Variants in KHDRBS2 observed in about 807,000 individuals in gnomAD.
KHDRBS2 encodes the protein KH domain-containing, RNA-binding, signal transduction-associated protein 2.
KHDRBS2 carries 26 observed loss-of-function variants against 44.3 expected under a neutral mutation model. That is an observed-to-expected ratio of 0.59 (90% CI 0.43 to 0.81). KHDRBS2 has a LOEUF of 0.81. Ranked by LOEUF, KHDRBS2 falls within the 40% of genes least tolerant of loss-of-function variation. KHDRBS2 has a pLI of 0.00. For synonymous variants in KHDRBS2, 194 were observed against 151.1 expected (o/e 1.28, Z -2.08); for missense variants, 476 against 433.1 (o/e 1.10, Z -0.88).
intron 1 of KHDRBS2, among the ~76,000 whole-genome samples, chr6:62,179,164 G>T (rs1821747594): frequency 1.3e-5 from 2 of 151,410 alleles, no homozygotes; most frequent in Admixed American, 6.6e-5. Context: ...AATTATTTTG[G>T]AGTAATATTA....
At chr6:61,802,800 G>T (rs186143597) in intron 6 of KHDRBS2, among the ~76,000 whole-genome samples, 18 of 152,058 alleles carry the variant, frequency 1.2e-4, no homozygotes, top group Admixed American at 1.2e-3. Flanking sequence ...TCTACTTGTC[G>T]GCAAATCTCT....
intron 4 of KHDRBS2, among the ~76,000 whole-genome samples, chr6:61,973,425 C>T (rs1166723484): frequency 6.6e-6 from 1 of 152,102 alleles, no homozygotes; most frequent in Non-Finnish European, 1.5e-5. Flanking sequence ...CCTCCATTTG[C>T]TTTTGCCATA....
At chr6:62,263,230 C>G (rs977882680) in intron 1 of KHDRBS2, among the ~76,000 whole-genome samples, 1 of 151,642 alleles carries the variant, frequency 6.6e-6, no homozygotes, top group East Asian at 1.9e-4. Flanking sequence ...ATACCACTTA[C>G]TTTCTAATTT....
chr6:62,080,451 G>A (rs1283724013), intron 2 of KHDRBS2, among the ~76,000 whole-genome samples: 1 of 151,984 alleles, frequency 6.6e-6, no homozygotes, highest in Admixed American at 6.6e-5. Flanking sequence ...TTTAATTATG[G>A]GGATTGATTT....
intron 6 of KHDRBS2, among the ~76,000 whole-genome samples, chr6:61,852,270 G>T (rs1299079246): frequency 1.4e-5 from 2 of 146,708 alleles, no homozygotes; most frequent in African/African-American, 2.6e-5. Flanking sequence ...GAAAAACATT[G>T]ACTTTATCAT....
the KHDRBS2 span, among the ~76,000 whole-genome samples, chr6:61,583,828 T>A: frequency 2.0e-5 from 3 of 151,646 alleles, no homozygotes; most frequent in Non-Finnish European, 4.4e-5. Context: ...CAGTATTGAG[T>A]CTTCCAACCC....
intron 2 of KHDRBS2, among the ~76,000 whole-genome samples, chr6:62,099,484 C>G (rs1455125366): frequency 6.6e-6 from 1 of 152,064 alleles, no homozygotes; most frequent in Admixed American, 6.5e-5. Context: ...AGAGGAGGGC[C>G]AAAGATGGCA....
chr6:61,872,136 C>T (rs1798751531), intron 6 of KHDRBS2, among the ~76,000 whole-genome samples: 1 of 151,724 alleles, frequency 6.6e-6, no homozygotes, highest in Non-Finnish European at 1.5e-5. Flanking sequence ...AAATCTAAAG[C>T]CAAAATGTCA....
chr6:61,667,604 C>T, the KHDRBS2 span, among the ~76,000 whole-genome samples: 2 of 151,258 alleles, frequency 1.3e-5, no homozygotes, highest in Admixed American at 6.6e-5. Flanking sequence ...TGCTTTTCTG[C>T]AAAATATTTC....
the KHDRBS2 span, among the ~76,000 whole-genome samples, chr6:61,563,287 C>A: frequency 6.6e-6 from 1 of 151,972 alleles, no homozygotes; most frequent in Non-Finnish European, 1.5e-5. Flanking sequence ...TACTAGTATG[C>A]AAATATGAGG....
chr6:62,074,249 G>C (rs369442472), intron 2 of KHDRBS2, among the ~76,000 whole-genome samples: 2 of 151,928 alleles, frequency 1.3e-5, no homozygotes, highest in African/African-American at 4.8e-5. Flanking sequence ...CTGAACCATA[G>C]AAATTGTGAG....
intron 1 of KHDRBS2, among the ~76,000 whole-genome samples, chr6:62,257,129 G>T (rs1298916127): frequency 6.6e-6 from 1 of 152,090 alleles, no homozygotes; most frequent in Admixed American, 6.6e-5. Context: ...AAATTAAGGT[G>T]TAAGTATTAA....
At chr6:61,945,133 A>ATATATATG (rs1813064521) in intron 4 of KHDRBS2, among the ~76,000 whole-genome samples, 1 of 98,288 alleles carries the variant, frequency 1.0e-5, no homozygotes, top group African/African-American at 4.0e-5. Context: ...ATATATATAT[A>ATATATATG]TATATATATA....
the KHDRBS2 span, among the ~76,000 whole-genome samples, chr6:61,622,986 C>T: frequency 6.6e-6 from 1 of 152,006 alleles, no homozygotes; most frequent in African/African-American, 2.4e-5. Context: ...ATCACAGTTA[C>T]TATAATGATT....
chr6:61,986,920 A>G (rs1029435212), intron 3 of KHDRBS2, among the ~76,000 whole-genome samples: 18 of 152,196 alleles, frequency 1.2e-4, no homozygotes, highest in African/African-American at 4.3e-4. Flanking sequence ...AGGATTCAAC[A>G]TATGAATTTT....
chr6:61,873,840 C>T (rs1420807964), intron 6 of KHDRBS2, among the ~76,000 whole-genome samples: 2 of 151,766 alleles, frequency 1.3e-5, no homozygotes, highest in Non-Finnish European at 2.9e-5. Flanking sequence ...TTAAGAGATA[C>T]ATATATGCAA....
chr6:61,620,710 C>T, the KHDRBS2 span, among the ~76,000 whole-genome samples: 1 of 152,178 alleles, frequency 6.6e-6, no homozygotes, highest in African/African-American at 2.4e-5. Flanking sequence ...CAGCATTCAC[C>T]TAGAGGCTAC....
intron 6 of KHDRBS2, among the ~76,000 whole-genome samples, chr6:61,838,035 T>G (rs1440556800): frequency 1.3e-5 from 2 of 152,038 alleles, no homozygotes; most frequent in Non-Finnish European, 2.9e-5. Flanking sequence ...TCTTCAGGAC[T>G]AATAAAATAG....
chr6:62,066,666 A>T (rs1352382806), intron 2 of KHDRBS2, among the ~76,000 whole-genome samples: 1 of 151,704 alleles, frequency 6.6e-6, no homozygotes, highest in East Asian at 1.9e-4. Flanking sequence ...TTTGATAAGG[A>T]CAAATTAATC....
Sources: gnomAD v4.1 joint callset for allele counts (sites outside exome capture counted in the v4.1 genomes callset) on GRCh38, gnomAD v4.1.1 for gene constraint, MANE v1.5 for transcripts, NCBI Gene and HGNC (gene_info 2026-07-23, HGNC 2026-07-21) for gene names.